The following TSHZ1 variants were observed in gnomAD, a reference collection of about 807,000 sequenced individuals.
TSHZ1 encodes the protein teashirt zinc finger homeobox 1.
A neutral mutation model predicts 67.1 loss-of-function variants in TSHZ1; 12 were observed. That is an observed-to-expected ratio of 0.18 (90% CI 0.11 to 0.29). The LOEUF (loss-of-function observed/expected upper bound fraction) is 0.29, where lower values mean the gene tolerates loss of function less well. TSHZ1 is among the 10% of genes least tolerant of loss of function. The probability of loss-of-function intolerance (pLI) is 1.00; values close to 1 mark genes in which losing one functional copy is unlikely to be tolerated. For synonymous variants in TSHZ1, 632 were observed against 622.4 expected, an observed-to-expected ratio of 1.02 and a Z score of -0.23; for missense variants, 1,305 against 1,413.9, an observed-to-expected ratio of 0.92 and a Z score of 1.23.
At chr18:75,255,297 C>T (rs1212716980) in intron 1 of TSHZ1, among the ~76,000 whole-genome samples, 3 of 152,138 alleles carry the variant, frequency 2.0e-5, no homozygotes, top group Non-Finnish European at 4.4e-5. Flanking sequence ...CATTTTCACA[C>T]CTCCATGGAG....
chr18:75,280,999 G>A (rs1247611378), intron 1 of TSHZ1, among the ~76,000 whole-genome samples: 1 of 152,144 alleles, frequency 6.6e-6, no homozygotes, highest in Non-Finnish European at 1.5e-5. Flanking sequence ...GGGCTGCCTG[G>A]GACCAGATAG....
intron 1 of TSHZ1, among the ~76,000 whole-genome samples, chr18:75,222,644 A>G (rs1031891199): frequency 6.6e-6 from 1 of 152,076 alleles, no homozygotes; most frequent in Non-Finnish European, 1.5e-5. Flanking sequence ...TCTCTGGCTT[A>G]TTCTAAATTA....
chr18:75,249,974 G>A (rs369441130), intron 1 of TSHZ1, among the ~76,000 whole-genome samples: 1 of 149,736 alleles, frequency 6.7e-6, no homozygotes, highest in African/African-American at 2.5e-5. Flanking sequence ...CCTCCAGTTG[G>A]TGGGGGGCGC....
At chr18:75,218,406 A>G (rs1395826199) in intron 1 of TSHZ1, among the ~76,000 whole-genome samples, 1 of 152,224 alleles carries the variant, frequency 6.6e-6, no homozygotes, top group African/African-American at 2.4e-5. Flanking sequence ...TAACTAGTGT[A>G]TTAGCAATTT....
chr18:75,266,617 G>C (rs933163857), intron 1 of TSHZ1, among the ~76,000 whole-genome samples: 21 of 152,166 alleles, frequency 1.4e-4, no homozygotes, highest in Admixed American at 1.0e-3. Flanking sequence ...TCTTTTGAAA[G>C]CCAAAAAGTG....
intron 1 of TSHZ1, among the ~76,000 whole-genome samples, chr18:75,266,010 A>C (rs569361726): frequency 6.6e-6 from 1 of 152,326 alleles, no homozygotes; most frequent in African/African-American, 2.4e-5. Flanking sequence ...AAATGGTATC[A>C]ACATTGTATT....
At chr18:75,215,797 C>T (rs923381060) in intron 1 of TSHZ1, among the ~76,000 whole-genome samples, 3 of 152,162 alleles carry the variant, frequency 2.0e-5, no homozygotes, top group Non-Finnish European at 4.4e-5. Flanking sequence ...TAATGGCCGC[C>T]CTCCTACCAC....
chr18:75,237,788 T>TTTTATTTA (rs1290756952), intron 1 of TSHZ1, among the ~76,000 whole-genome samples: 962 of 87,802 alleles, frequency 0.011, 10 homozygotes, highest in African/African-American at 0.031. Flanking sequence ...GCCTTCTTTC[T>TTTTATTTA]TTCATTTATT....
chr18:75,220,879 GA>G (rs1348770788), intron 1 of TSHZ1, among the ~76,000 whole-genome samples: 4 of 152,226 alleles, frequency 2.6e-5, no homozygotes, highest in African/African-American at 9.6e-5. Context: ...GTTTTTAAAG[GA>G]AAAAAGTCAA....
rs1257530290 is a variant in TSHZ1, at chr18:75,286,047, T to C, written c.640T>C (p.Tyr214His). 1 of 1,613,264 alleles carries C rather than the reference T, an allele frequency of 6.2e-7. No homozygotes were observed. Among genetic ancestry groups the C allele is most frequent in the Non-Finnish European group, 8.5e-7 (1 of 1,179,824 alleles). The change falls in exon 2 of 2, where the codon TAT becomes CAT. Residue 214 changes from tyrosine (Y) to histidine (H), a missense_variant. By Grantham distance (83) the Tyr-to-His change is moderately conservative. Around this residue, in one of 3 missense-constraint regions of TSHZ1, gnomAD observed 358 missense variants for 375.6 expected, o/e 0.95. Coordinates refer to ENST00000580243, the MANE Select transcript of TSHZ1 (RefSeq NM_001308210.2). The surrounding 1 kb of genome is among the most constrained non-coding windows in gnomAD (Gnocchi z 5.1). ...CAAGACGCTGCAGCAGACGTCCTCGTATGGGCTGCTTCCTGAGCCCAGCCT... is the reference window on the plus strand; with the variant it reads ...CAAGACGCTGCAGCAGACGTCCTCGCATGGGCTGCTTCCTGAGCCCAGCCT... ...LAKTLQQTSS[Y>H]GLLPEPSLFS...
intron 1 of TSHZ1, among the ~76,000 whole-genome samples, chr18:75,247,202 A>G (rs528013101): frequency 1.4e-4 from 21 of 152,240 alleles, no homozygotes; most frequent in Non-Finnish European, 2.1e-4. Context: ...ACCTTCACCA[A>G]ATGCCAGTGT....
intron 1 of TSHZ1, among the ~76,000 whole-genome samples, chr18:75,268,210 G>A (rs4891253): frequency 0.79 from 119,466 of 152,170 alleles, 47,064 homozygotes; most frequent in South Asian, 0.86. Context: ...CCAATGGGCA[G>A]ATTTTCCCAG....
At chr18:75,250,588 C>A (rs143339349) in intron 1 of TSHZ1, among the ~76,000 whole-genome samples, 1,802 of 152,330 alleles carry the variant, frequency 0.012, 15 homozygotes, top group Non-Finnish European at 0.018. Context: ...CAGCCAGTGC[C>A]CATGGCAGCA....
Position 75,286,963 on chromosome 18 carries a change from A to T in TSHZ1, c.1556A>T (p.Glu519Val), listed in dbSNP as rs748609272. The part of the protein sequence containing the change: ...VAGDAEKIKE[E>V]SEDSLEKFEP... ...GGCGACGCGGAGAAGATCAAGGAGGAGAGTGAGGACAGCTTGGAGAAATTT... is the reference window on the plus strand; with the variant it reads ...GGCGACGCGGAGAAGATCAAGGAGGTGAGTGAGGACAGCTTGGAGAAATTT... Residue 519 changes from glutamate to valine, a missense_variant, in exon 2 of 2, where the codon GAG (glutamate) becomes GTG (valine). By Grantham distance (121) the Glu-to-Val change is moderately radical. Around this residue, in one of 3 missense-constraint regions of TSHZ1, gnomAD observed 909 missense variants for 961.8 expected, o/e 0.95. Coordinates refer to ENST00000580243, the MANE Select transcript of TSHZ1 (RefSeq NM_001308210.2). This position sits in a 1 kb window ranked among gnomAD's most constrained non-coding sequence, Gnocchi z 5.1. 2 of 1,614,124 alleles carry T rather than the reference A, an allele frequency of 1.2e-6. No individual in the cohort carries two copies. The highest frequency in any genetic ancestry group is 1.7e-6 in the Non-Finnish European group (2 of 1,180,010).
intron 1 of TSHZ1, among the ~76,000 whole-genome samples, chr18:75,261,159 C>G (rs1037976726): frequency 6.6e-6 from 1 of 151,810 alleles, no homozygotes; most frequent in Non-Finnish European, 1.5e-5. Context: ...ACTCTAAGGA[C>G]TACTACCCCG....
intron 1 of TSHZ1, among the ~76,000 whole-genome samples, chr18:75,243,750 C>A (rs370417457): frequency 6.6e-6 from 1 of 152,150 alleles, no homozygotes; most frequent in East Asian, 1.9e-4. Context: ...GACTTAGCAA[C>A]CCTAAATTAG....
At chr18:75,235,058 C>A (rs1234546145) in intron 1 of TSHZ1, among the ~76,000 whole-genome samples, 1 of 152,138 alleles carries the variant, frequency 6.6e-6, no homozygotes, top group African/African-American at 2.4e-5. Flanking sequence ...TGCTTGTGAG[C>A]CGTCAGCGTG....
chr18:75,285,032 A>C (rs1413372828), intron 1 of TSHZ1: 1 of 160,534 alleles, frequency 6.2e-6, no homozygotes, highest in African/African-American at 2.4e-5. Flanking sequence ...CTAAAAATTG[A>C]TAACCAGGTC....
At chr18:75,240,031 G>A (rs2023133615) in intron 1 of TSHZ1, among the ~76,000 whole-genome samples, 1 of 152,140 alleles carries the variant, frequency 6.6e-6, no homozygotes, top group Non-Finnish European at 1.5e-5. Context: ...GGTAAAAATA[G>A]GATTAAAGTG....
Sources: allele counts gnomAD v4.1 joint callset (sites outside exome capture counted in the v4.1 genomes callset), GRCh38; gene constraint gnomAD v4.1.1; regional missense constraint gnomAD v4.1.1; non-coding constraint Gnocchi (gnomAD v3.1); transcripts MANE v1.5; gene names NCBI Gene and HGNC (gene_info 2026-07-23, HGNC 2026-07-21).